Variants in PARS2 observed in about 807,000 individuals in gnomAD.
PARS2 encodes probable proline--tRNA ligase, mitochondrial.
PARS2 carries 20 observed loss-of-function variants against 27.4 expected under a neutral mutation model. The observed-to-expected ratio is 0.73, with a 90% confidence interval of 0.51 to 1.06. PARS2 has a LOEUF of 1.06. Ranked by LOEUF, PARS2 falls within the 50% of genes least tolerant of loss-of-function variation. PARS2 has a pLI of 0.00. For missense variants in PARS2, 585 were observed against 602.1 expected, an observed-to-expected ratio of 0.97 and a Z score of 0.30; for synonymous variants, 240 against 247.1, an observed-to-expected ratio of 0.97 and a Z score of 0.27.
At chr1:54,759,414 A>G (rs1178269228) in intron 1 of PARS2, among the ~76,000 whole-genome samples, 1 of 152,192 alleles carries the variant, frequency 6.6e-6, no homozygotes, top group East Asian at 1.9e-4. Context: ...CATTAACAAC[A>G]TCCTGTGGAG....
intron 1 of PARS2, among the ~76,000 whole-genome samples, chr1:54,763,625 G>T (rs1330284216): frequency 6.6e-6 from 1 of 152,144 alleles, no homozygotes; most frequent in South Asian, 2.1e-4. Context: ...ATACAAACAG[G>T]AGAATAAGTA....
chr1:54,758,511 C>A lies in PARS2; in HGVS notation c.651G>T (p.Glu217Asp), dbSNP rs757733146. Residue 217 changes from glutamate to aspartate, a missense_variant, in exon 2 of 2, where the codon GAG becomes GAT. Transcript: ENST00000371279. The part of the protein sequence containing the change: ...KDMYTFDSSP[E>D]AAQQTYSLVC... Reference sequence around the variant, plus strand: ...CCAGGCTGTAGGTCTGCTGGGCAGCCTCTGGGGAGGAGTCAAAGGTGTACA... The same window carrying A: ...CCAGGCTGTAGGTCTGCTGGGCAGCATCTGGGGAGGAGTCAAAGGTGTACA... 1 of 1,614,184 alleles carries A rather than the reference C, an allele frequency of 6.2e-7. No individual in the cohort carries two copies.
intron 1 of PARS2, among the ~76,000 whole-genome samples, chr1:54,762,679 C>A (rs1646164084): frequency 1.3e-5 from 2 of 152,214 alleles, no homozygotes; most frequent in South Asian, 4.1e-4. Flanking sequence ...TTATCTGCAG[C>A]ATTCAGCACA....
Position 54,757,808 on chromosome 1 carries a change from G to A in PARS2, c.1354C>T (p.Gln452Ter). The A allele has an allele frequency of 6.2e-7, 1 of 1,614,164 alleles. No homozygotes were observed. Among genetic ancestry groups the A allele is most frequent in the South Asian group, 1.1e-5 (1 of 91,068 alleles). The change falls in exon 2 of 2, where the codon CAG becomes TAG. Residue 452 changes from glutamine (Q) to a stop codon, truncating the protein, a stop_gained. Coordinates refer to ENST00000371279, the MANE Select transcript of PARS2 (RefSeq NM_152268.4). LOFTEE classifies it high-confidence loss of function. Reference sequence around the variant, plus strand: ...AGGAAGGCCACCTCACCAGTGTTCTGACACCAAACCTCAAAATGTGCAGGG... The same window carrying A: ...AGGAAGGCCACCTCACCAGTGTTCTAACACCAAACCTCAAAATGTGCAGGG... ...EDPAHFEVWC[Q>*]NTGEVAFLTK...
chr1:54,763,544 G>C (rs1258472782), intron 1 of PARS2, among the ~76,000 whole-genome samples: 1 of 152,164 alleles, frequency 6.6e-6, no homozygotes, highest in Non-Finnish European at 1.5e-5. Flanking sequence ...TAATTATCTG[G>C]ATAATTTAAA....
intron 1 of PARS2, among the ~76,000 whole-genome samples, chr1:54,763,753 A>G (rs924043648): frequency 6.6e-6 from 1 of 152,240 alleles, no homozygotes; most frequent in Non-Finnish European, 1.5e-5. Context: ...CTGTCGGGAC[A>G]CTGTCAGCCC....
rs772609589 is a variant in PARS2 at position 54,758,420 on chromosome 1, C to T, written c.742G>A (p.Val248Met). Residue 248 changes from valine (V) to methionine (M), a missense_variant, in exon 2 of 2, where the codon GTG becomes ATG. By Grantham distance (21) the Val-to-Met change is conservative. Transcript: ENST00000371279. Reference protein sequence around the residue: ...GLPFVKVQADVGTIGGTVSHE... With the variant: ...GLPFVKVQADMGTIGGTVSHE... ...GACACTGTGCCCCCGATGGTGCCCA[C>T]ATCGGCCTGGACCTTGACAAATGGC... 2.5e-6 allele frequency: 4 copies of T among 1,614,060 alleles called. No homozygotes were observed. The highest frequency in any genetic ancestry group is 3.4e-6 in the Non-Finnish European group (4 of 1,180,014).
At chr1:54,760,193 C>G (rs1225007344) in intron 1 of PARS2, among the ~76,000 whole-genome samples, 2 of 152,122 alleles carry the variant, frequency 1.3e-5, no homozygotes, top group African/African-American at 2.4e-5. Context: ...ACTCCCTGGA[C>G]AGCCTGCATG....
intron 1 of PARS2, among the ~76,000 whole-genome samples, chr1:54,761,659 G>A (rs187325988): frequency 3.3e-4 from 51 of 152,248 alleles, no homozygotes; most frequent in African/African-American, 1.0e-3. Context: ...CAAAGCTCCC[G>A]GCAGTATGCT....
At chr1:54,764,192 T>A (rs1646173244) in intron 1 of PARS2, among the ~76,000 whole-genome samples, 1 of 152,196 alleles carries the variant, frequency 6.6e-6, no homozygotes. Flanking sequence ...TCCCAGGGCC[T>A]TTCCAGAGCT....
At chr1:54,763,680 C>A (rs964314139) in intron 1 of PARS2, among the ~76,000 whole-genome samples, 1 of 152,188 alleles carries the variant, frequency 6.6e-6, no homozygotes, top group African/African-American at 2.4e-5. Context: ...CTAACGTATG[C>A]AACACTTCAG....
intron 1 of PARS2, among the ~76,000 whole-genome samples, chr1:54,761,898 C>T (rs947368379): frequency 1.3e-5 from 2 of 152,230 alleles, no homozygotes; most frequent in African/African-American, 4.8e-5. Context: ...TGGATTCACC[C>T]CTGGCTCTAT....
chr1:54,761,786 T>C (rs1570092058), intron 1 of PARS2, among the ~76,000 whole-genome samples: 1 of 152,236 alleles, frequency 6.6e-6, no homozygotes, highest in East Asian at 1.9e-4. Context: ...CCTCATTCAT[T>C]TCCCCTGTGC....
At position 54,758,627 on chromosome 1, in the gene PARS2, A is replaced by G; in HGVS notation, c.535T>C (p.Phe179Leu). 1 of 1,614,230 alleles carries G rather than the reference A, an allele frequency of 6.2e-7. No homozygotes were observed. Among genetic ancestry groups the G allele is most frequent in the Non-Finnish European group, 8.5e-7 (1 of 1,180,048 alleles). The change falls in exon 2 of 2, where the codon TTC becomes CTC. Residue 179 changes from phenylalanine to leucine, a missense_variant. By Grantham distance (22) the Phe-to-Leu change is conservative. Transcript: ENST00000371279. ...TTCCTTGTCACTTGGTACAGCAGGA[A>G]GGGAAGCTGCTTGTAGGACAGTTTC... ...QKKLSYKQLP[F>L]LLYQVTRKFR...
At position 54,758,125 on chromosome 1, in the gene PARS2, C is replaced by T. The variant is rs749364389; in HGVS notation, c.1037G>A (p.Arg346Gln). 1.5e-5 allele frequency: 24 copies of T among 1,614,058 alleles called. No individual in the cohort carries two copies. The highest frequency in any genetic ancestry group is 2.7e-5 in the African/African-American group (2 of 74,896). The change falls in exon 2 of 2, where the codon CGG (arginine) becomes CAG (glutamine). Residue 346 changes from arginine to glutamine, a missense_variant. Arg to Gln is a conservative substitution (Grantham distance 43, BLOSUM62 1). Coordinates refer to ENST00000371279, the MANE Select transcript of PARS2 (RefSeq NM_152268.4). ...GACTTCAATGGCAGCAGCCAAGATC[C>T]GTGTCACACCCAAGCCATAGCACCC... Reference protein sequence around the residue: ...EMGCYGLGVTRILAAAIEVLS... With the variant: ...EMGCYGLGVTQILAAAIEVLS...
intron 1 of PARS2, 72 bp from the exon 2 acceptor site, chr1:54,759,262 T>C (rs1646140874): frequency 2.2e-6 from 2 of 911,914 alleles, no homozygotes; most frequent in Admixed American, 3.1e-5. Context: ...CAACCCAGCC[T>C]GCTCTCAACA....
chr1:54,761,133 T>C (rs2101411402), intron 1 of PARS2, among the ~76,000 whole-genome samples: 1 of 152,270 alleles, frequency 6.6e-6, no homozygotes, highest in Non-Finnish European at 1.5e-5. Context: ...CTCTCCCCTT[T>C]TCCTGCCAAC....
In PARS2 at chr1:54,759,210, G is replaced by A. The variant is rs552933767; in HGVS notation, c.-29-20C>T. The A allele has an allele frequency of 1.1e-4, 155 of 1,430,472 alleles. No homozygotes were observed. The South Asian group carries it at 2.1e-3, about 19-fold the overall frequency. The allele number at this position is 1,430,472 out of a possible 1,614,324, so 88.6% of individuals were successfully genotyped here. ...AGGCACCTGAGGAAAAATGAGTTGT[G>A]TGAGAATGAGCCTCATCCGTGTTCC... On this transcript the variant is annotated intron_variant, in intron 1 of 1. Coordinates refer to ENST00000371279, the MANE Select transcript of PARS2 (RefSeq NM_152268.4).
In PARS2 at chr1:54,757,512, T is replaced by A; in HGVS notation, c.*222A>T. The A allele has an allele frequency of 2.0e-6, 1 of 505,200 alleles. No individual in the cohort carries two copies. The highest frequency in any genetic ancestry group is 2.9e-5 in the South Asian group (1 of 33,972). The allele number at this position is 505,200 out of a possible 1,614,324, so 31.3% of individuals were successfully genotyped here. ...ACAATGGAATACAAAAGGAAAGGTA[T>A]ATGGCGGCATGGCCAGTCTGGAGAA... On this transcript the variant is annotated 3_prime_UTR_variant, in exon 2 of 2. Coordinates refer to ENST00000371279, the MANE Select transcript of PARS2 (RefSeq NM_152268.4).
Sources: allele counts gnomAD v4.1 joint callset (sites outside exome capture counted in the v4.1 genomes callset), GRCh38; gene constraint gnomAD v4.1.1; transcripts MANE v1.5; gene names NCBI Gene and HGNC (gene_info 2026-07-23, HGNC 2026-07-21).